OTUD7B: variants seen among roughly 807,000 people sequenced by gnomAD.
The protein encoded by OTUD7B is OTU deubiquitinase 7B.
Under a neutral mutation model 82.2 loss-of-function variants are expected in OTUD7B, and 34 were observed. The ratio of observed to expected loss-of-function variants is 0.41; its 90% confidence interval spans 0.31 to 0.55. OTUD7B has a LOEUF of 0.55. Among genes scored for constraint, OTUD7B ranks in the 20% least tolerant of loss-of-function variants. OTUD7B has a pLI of 0.20. For missense variants in OTUD7B, 944 were observed against 1,062.1 expected (o/e 0.89, Z 1.55); for synonymous variants, 398 against 402.7 (o/e 0.99, Z 0.14).
the OTUD7B span, among the ~76,000 whole-genome samples, chr1:150,016,533 C>T: frequency 3.3e-4 from 49 of 150,124 alleles, no homozygotes; most frequent in Admixed American, 2.0e-3. Flanking sequence ...TGGCTCACTG[C>T]AACCTCTGCC....
rs1206297774 is a variant in OTUD7B, at chr1:149,942,062, G to A, written c.*1795C>T. On this transcript the variant is annotated 3_prime_UTR_variant, in exon 12 of 12. Coordinates refer to ENST00000581312, the MANE Select transcript of OTUD7B (RefSeq NM_020205.4). ...ATAAACCGTGAGCATTTCCAACAAG[G>A]ACAATCTTGACTGGCTACCGAGGAG... is the stretch of plus-strand genomic sequence containing the variant. The A allele has an allele frequency of 2.6e-5, 4 of 152,516 alleles. No homozygotes were observed. Among genetic ancestry groups the A allele is most frequent in the Non-Finnish European group, 4.4e-5 (3 of 68,046 alleles). 9.4% of individuals were successfully genotyped at this position (152,516 alleles called of 1,614,324 possible). A position where few individuals can be genotyped will look rare whatever the true frequency, so the allele number is the denominator to read the frequency against.
rs1648042334 is a variant in OTUD7B at position 149,949,766 on chromosome 1, A to G, written c.986T>C (p.Ile329Thr). The G allele has an allele frequency of 6.2e-7, 1 of 1,614,014 alleles. No homozygotes were observed. The highest frequency in any genetic ancestry group is 1.7e-5 in the Admixed American group (1 of 59,980). ...RDSGGEAFAPIPFGGIYLPLE... is the reference protein window; with the variant it reads ...RDSGGEAFAPTPFGGIYLPLE... The stretch of plus-strand genomic sequence containing the variant: ...AGGCAGATAGATTCCTCCAAAGGGA[A>G]TAGGGGCAAATGCTGCAGGAAGCCA... The change falls in exon 9 of 12, where the codon ATT becomes ACT. Residue 329 changes from isoleucine (I) to threonine (T), a missense_variant. Coordinates refer to ENST00000581312, the MANE Select transcript of OTUD7B (RefSeq NM_020205.4).
chr1:149,967,077 G>A (rs587711898), intron 4 of OTUD7B, among the ~76,000 whole-genome samples: 6 of 152,124 alleles, frequency 3.9e-5, no homozygotes, highest in Admixed American at 3.9e-4. Flanking sequence ...TTTCACATGT[G>A]TATCTGGTTT....
intron 10 of OTUD7B, 72 bp from the exon 11 acceptor site, chr1:149,947,407 G>A: frequency 1.2e-6 from 1 of 854,452 alleles, no homozygotes; most frequent in Non-Finnish European, 2.0e-6. Context: ...TTGGGAGAAA[G>A]GGTGGGAGAG....
At chr1:149,979,830 C>G (rs1650591148) in intron 1 of OTUD7B, among the ~76,000 whole-genome samples, 1 of 152,122 alleles carries the variant, frequency 6.6e-6, no homozygotes, top group African/African-American at 2.4e-5. Context: ...TAGCCACAGC[C>G]TTAGGTCAGA....
chr1:149,965,478 A>G (rs1248594456), intron 5 of OTUD7B, among the ~76,000 whole-genome samples: 1 of 152,250 alleles, frequency 6.6e-6, no homozygotes, highest in African/African-American at 2.4e-5. Flanking sequence ...GTACACATAC[A>G]CACATCTAGC....
At chr1:149,967,075 G>A (rs1246644362) in intron 4 of OTUD7B, among the ~76,000 whole-genome samples, 1 of 152,120 alleles carries the variant, frequency 6.6e-6, no homozygotes, top group African/African-American at 2.4e-5. Context: ...CTTTTCACAT[G>A]TGTATCTGGT....
At chr1:150,063,391 A>C in the OTUD7B span, among the ~76,000 whole-genome samples, 2 of 152,232 alleles carry the variant, frequency 1.3e-5, no homozygotes, top group Non-Finnish European at 2.9e-5. Context: ...CAGAGGTTGC[A>C]GTGAACCAAG....
chr1:149,952,460 T>C (rs1421185862), intron 7 of OTUD7B, among the ~76,000 whole-genome samples: 13 of 152,280 alleles, frequency 8.5e-5, no homozygotes, highest in African/African-American at 2.9e-4. Context: ...TGTTGGACAT[T>C]TGGGTTGGTT....
At chr1:149,988,065 T>G (rs999447247) in intron 1 of OTUD7B, among the ~76,000 whole-genome samples, 2 of 152,208 alleles carry the variant, frequency 1.3e-5, no homozygotes, top group Non-Finnish European at 2.9e-5. Context: ...ATGTATATTA[T>G]CTATTTTTTT....
chr1:150,048,981 C>T, the OTUD7B span, among the ~76,000 whole-genome samples: 54 of 152,094 alleles, frequency 3.6e-4, no homozygotes, highest in African/African-American at 1.3e-3. Context: ...TACAGGCGCC[C>T]GCCACCACAC....
the OTUD7B span, among the ~76,000 whole-genome samples, chr1:150,038,401 T>C: frequency 1.3e-5 from 2 of 152,096 alleles, no homozygotes; most frequent in African/African-American, 4.8e-5. Context: ...ATTTTTACTT[T>C]TTTGAGGCAG....
intron 7 of OTUD7B, among the ~76,000 whole-genome samples, chr1:149,958,452 C>T (rs112852625): frequency 0.047 from 7,053 of 149,774 alleles, 213 homozygotes; most frequent in Non-Finnish European, 0.073. Context: ...CTCAGCCTCT[C>T]GAGTAGCTGG....
the OTUD7B span, among the ~76,000 whole-genome samples, chr1:150,066,153 A>G: frequency 1.3e-5 from 2 of 152,234 alleles, no homozygotes; most frequent in Admixed American, 1.3e-4. The surrounding 1 kb of genome is among the most constrained non-coding windows in gnomAD (Gnocchi z 4.6). Context: ...ATAGGTAAGA[A>G]AAATAAAAAC....
chr1:150,007,613 C>T (rs1398613325), intron 1 of OTUD7B, among the ~76,000 whole-genome samples: 1 of 152,200 alleles, frequency 6.6e-6, no homozygotes, highest in African/African-American at 2.4e-5. Context: ...CTCCCTAAAG[C>T]CTGTCACTGG....
intron 2 of OTUD7B, among the ~76,000 whole-genome samples, chr1:149,975,344 T>G (rs1650234631): frequency 6.6e-6 from 1 of 152,204 alleles, no homozygotes; most frequent in African/African-American, 2.4e-5. Flanking sequence ...TAGCAATAAT[T>G]TGTAACATAA....
At chr1:150,032,325 GA>G in the OTUD7B span, among the ~76,000 whole-genome samples, 5 of 144,702 alleles carry the variant, frequency 3.5e-5, no homozygotes, top group Non-Finnish European at 7.6e-5. Flanking sequence ...AAAAATAAAA[GA>G]AAAAAAAAAG....
the OTUD7B span, among the ~76,000 whole-genome samples, chr1:150,016,846 A>C: frequency 1.3e-5 from 2 of 152,242 alleles, no homozygotes. Flanking sequence ...GGAAATGTGC[A>C]GTCGGCTCTA....
intron 1 of OTUD7B, among the ~76,000 whole-genome samples, chr1:149,994,453 C>A (rs587775193): frequency 6.6e-6 from 1 of 151,760 alleles, no homozygotes; most frequent in Non-Finnish European, 1.5e-5. Context: ...TGGTGGCATG[C>A]GCCTGTAAAC....
Sources: allele counts gnomAD v4.1 joint callset (sites outside exome capture counted in the v4.1 genomes callset), GRCh38; gene constraint gnomAD v4.1.1; non-coding constraint Gnocchi (gnomAD v3.1); transcripts MANE v1.5; gene names NCBI Gene and HGNC (gene_info 2026-07-23, HGNC 2026-07-21).